PLA2G7: variants seen among roughly 807,000 people sequenced by gnomAD.
The protein encoded by PLA2G7 is platelet-activating factor acetylhydrolase.
A neutral mutation model predicts 49.6 loss-of-function variants in PLA2G7; 63 were observed. The observed-to-expected ratio is 1.27, with a 90% CI of 1.04 to 1.57. The LOEUF is 1.57. PLA2G7 is among the 40% of genes most tolerant of loss of function. PLA2G7 has a pLI of 0.00. For missense variants in PLA2G7, 596 were observed against 521.2 expected (o/e 1.14, Z -1.40); for synonymous variants, 193 against 169.9 (o/e 1.14, Z -1.06).
At chr6:46,731,410 G>T (rs1765731765) in intron 1 of PLA2G7, among the ~76,000 whole-genome samples, 1 of 152,140 alleles carries the variant, frequency 6.6e-6, no homozygotes, top group South Asian at 2.1e-4. Flanking sequence ...CATGACCACA[G>T]CCAGGACAAA....
At position 46,704,470 on chromosome 6, in the gene PLA2G7, T is replaced by TCA. The variant is rs761141266; in HGVS notation, c.*89_*90insTG. On this transcript the variant is annotated 3_prime_UTR_variant, in exon 12 of 12. Transcript: ENST00000274793. ...CTCTCTCTCTCTCTCTCTCTCTCTC[T>TCA]CTCTCTCTCACACACACACACACAC... 435 of 279,952 alleles carry TCA rather than the reference T, an allele frequency of 1.6e-3. No individual in the cohort carries two copies. Among genetic ancestry groups the TCA allele is most frequent in the African/African-American group, 0.013 (407 of 30,432 alleles). The allele number at this position is 279,952 out of a possible 1,614,324, so 17.3% of individuals were successfully genotyped here.
intron 2 of PLA2G7, 97 bp from the exon 3 acceptor site, chr6:46,717,193 T>A (rs1765238502): frequency 1.8e-6 from 2 of 1,118,322 alleles, no homozygotes; most frequent in Non-Finnish European, 2.7e-6. Flanking sequence ...CTTCCCATAG[T>A]TTCTGGCCTT....
At chr6:46,725,833 G>T (rs571172987) in intron 1 of PLA2G7, among the ~76,000 whole-genome samples, 1 of 152,168 alleles carries the variant, frequency 6.6e-6, no homozygotes, top group African/African-American at 2.4e-5. Context: ...GGCCAAGGGG[G>T]CCACGGGTGG....
chr6:46,717,186 C>T, intron 2 of PLA2G7, 90 bp from the exon 3 acceptor site: 1 of 1,184,340 alleles, frequency 8.4e-7, no homozygotes, highest in Admixed American at 1.7e-5. Flanking sequence ...CAAGTTACTT[C>T]CCATAGTTTC....
At chr6:46,727,046 T>C (rs923556587) in intron 1 of PLA2G7, among the ~76,000 whole-genome samples, 2 of 152,104 alleles carry the variant, frequency 1.3e-5, no homozygotes, top group Non-Finnish European at 2.9e-5. Context: ...TAAAATATCA[T>C]CCTGGCAATC....
At chr6:46,722,138 A>C (rs751834770) in intron 2 of PLA2G7, among the ~76,000 whole-genome samples, 1 of 151,792 alleles carries the variant, frequency 6.6e-6, no homozygotes, top group Non-Finnish European at 1.5e-5. Context: ...CGTTTTGGCC[A>C]CTCCTCCTGG....
chr6:46,725,504 A>G (rs1193037524), intron 1 of PLA2G7, among the ~76,000 whole-genome samples: 1 of 152,114 alleles, frequency 6.6e-6, no homozygotes, highest in African/African-American at 2.4e-5. Flanking sequence ...TGCTGGGATT[A>G]CAGTCATCAG....
At chr6:46,732,368 TACACACACACAC>T (rs59891486) in intron 1 of PLA2G7, among the ~76,000 whole-genome samples, 5 of 140,856 alleles carry the variant, frequency 3.5e-5, no homozygotes, top group Non-Finnish European at 6.4e-5. Flanking sequence ...AACACACACA[TACACACACACAC>T]ACACACACAC....
At chr6:46,711,398 G>C in intron 7 of PLA2G7, 98 bp downstream of exon 7, 1 of 1,308,094 alleles carries the variant, frequency 7.6e-7, no homozygotes, top group Non-Finnish European at 1.1e-6. Flanking sequence ...AGGAGAGCTA[G>C]GAGCATAACT....
chr6:46,711,475 T>A, intron 7 of PLA2G7, 21 bp downstream of exon 7: 1 of 1,613,072 alleles, frequency 6.2e-7, no homozygotes, highest in Non-Finnish European at 8.5e-7. Context: ...ACCAACCACC[T>A]CTCCTTTCAC....
intron 7 of PLA2G7, among the ~76,000 whole-genome samples, chr6:46,711,132 A>G (rs967565469): frequency 2.0e-5 from 3 of 152,036 alleles, no homozygotes; most frequent in South Asian, 2.1e-4. Context: ...TAAGGCCCAT[A>G]CTCTTAATTC....
intron 7 of PLA2G7, 101 bp from the exon 8 acceptor site, chr6:46,710,759 T>C: frequency 1.2e-6 from 1 of 865,120 alleles, no homozygotes; most frequent in Non-Finnish European, 1.9e-6. Flanking sequence ...CGTTGGTCAG[T>C]TATAAACTGG....
chr6:46,722,011 T>C (rs1765416446), intron 2 of PLA2G7, among the ~76,000 whole-genome samples: 1 of 152,050 alleles, frequency 6.6e-6, no homozygotes, highest in African/African-American at 2.4e-5. Context: ...GAAAGAGAAG[T>C]TTATGCATCA....
rs1674195013 is a variant in PLA2G7, at chr6:46,712,212, T to G, written c.539+57A>C. On this transcript the variant is annotated intron_variant, in intron 6 of 11. Transcript: ENST00000274793. ...TTTATGAAAATTAGAAACATAGTTA[T>G]GAGCATTGACATTCCCTGTAGTTGG... is the stretch of plus-strand genomic sequence containing the variant. 43 of 1,039,696 alleles carry G rather than the reference T, an allele frequency of 4.1e-5. 1 individual carries two copies. In the South Asian group the frequency reaches 5.0e-4, roughly 12 times the overall value. The allele number at this position is 1,039,696 out of a possible 1,614,324, so 64.4% of individuals were successfully genotyped here.
chr6:46,712,586 G>C (rs1443478442), intron 5 of PLA2G7, among the ~76,000 whole-genome samples: 1 of 152,172 alleles, frequency 6.6e-6, no homozygotes, highest in Non-Finnish European at 1.5e-5. Flanking sequence ...AAGGGATGCT[G>C]TCAAGCATCC....
At chr6:46,720,103 G>A (rs957472210) in intron 2 of PLA2G7, among the ~76,000 whole-genome samples, 1 of 152,180 alleles carries the variant, frequency 6.6e-6, no homozygotes, top group Non-Finnish European at 1.5e-5. Flanking sequence ...GCAGCCTGGT[G>A]CTACTGCAAC....
chr6:46,711,744 T>C, intron 6 of PLA2G7, 125 bp from the exon 7 acceptor site: 1 of 957,838 alleles, frequency 1.0e-6, no homozygotes, highest in South Asian at 1.4e-5. Flanking sequence ...TCTTCCACTC[T>C]ATATTTTCTC....
intron 5 of PLA2G7, 102 bp downstream of exon 5, chr6:46,714,358 C>CA: frequency 1.2e-6 from 1 of 804,494 alleles, no homozygotes; most frequent in Non-Finnish European, 2.2e-6. Flanking sequence ...CTCCTCCAGA[C>CA]AAGGGCCTGC....
chr6:46,711,870 AT>A (rs1765035339), intron 6 of PLA2G7, among the ~76,000 whole-genome samples: 1 of 152,192 alleles, frequency 6.6e-6, no homozygotes, highest in Admixed American at 6.5e-5. Flanking sequence ...AATGTTAGCC[AT>A]GTTGAAACTC....
Sources: allele counts gnomAD v4.1 joint callset (sites outside exome capture counted in the v4.1 genomes callset), GRCh38; gene constraint gnomAD v4.1.1; transcripts MANE v1.5; gene names NCBI Gene and HGNC (gene_info 2026-07-23, HGNC 2026-07-21).